ADAMTS12: variants seen among roughly 807,000 people sequenced by gnomAD.
The protein encoded by ADAMTS12 is A disintegrin and metalloproteinase with thrombospondin motifs 12.
Under a neutral mutation model 167.8 loss-of-function variants are expected in ADAMTS12, and 118 were observed. The ratio of observed to expected loss-of-function variants is 0.70; its 90% CI spans 0.61 to 0.82. The LOEUF is 0.82. Among genes scored for constraint, ADAMTS12 ranks in the 40% least tolerant of loss-of-function variants. ADAMTS12 has a pLI of 0.00. For missense variants in ADAMTS12, 1,916 were observed against 1,998.8 expected (o/e 0.96, Z 0.79); for synonymous variants, 704 against 716.9 (o/e 0.98, Z 0.29).
chr5:33,566,690 C>A (rs948945249), intron 19 of ADAMTS12, among the ~76,000 whole-genome samples: 1 of 152,182 alleles, frequency 6.6e-6, no homozygotes, highest in Non-Finnish European at 1.5e-5. Flanking sequence ...AGGCTACCTA[C>A]AGTCAGTGGC....
intron 7 of ADAMTS12, among the ~76,000 whole-genome samples, chr5:33,652,413 C>A (rs1326315557): frequency 6.6e-6 from 1 of 151,984 alleles, no homozygotes; most frequent in Non-Finnish European, 1.5e-5. Flanking sequence ...TGTTTATTGG[C>A]CACTTTTGTG....
chr5:33,804,509 T>A (rs1431706360), intron 2 of ADAMTS12, among the ~76,000 whole-genome samples: 2 of 152,182 alleles, frequency 1.3e-5, no homozygotes, highest in African/African-American at 4.8e-5. Flanking sequence ...GACATGCAGA[T>A]GTGTGAGCAA....
intron 2 of ADAMTS12, among the ~76,000 whole-genome samples, chr5:33,795,901 A>G (rs965989875): frequency 6.6e-6 from 1 of 152,142 alleles, no homozygotes; most frequent in Non-Finnish European, 1.5e-5. Context: ...GGAGAGCCCC[A>G]CTCTGAAGAG....
At chr5:33,712,680 T>G (rs1305798861) in intron 3 of ADAMTS12, among the ~76,000 whole-genome samples, 4 of 152,156 alleles carry the variant, frequency 2.6e-5, no homozygotes, top group Non-Finnish European at 5.9e-5. Context: ...GAAGCTGTGA[T>G]GATCTACATA....
intron 1 of ADAMTS12, 27 bp downstream of exon 1, chr5:33,891,703 A>C: frequency 3.1e-6 from 5 of 1,613,232 alleles, no homozygotes; most frequent in Non-Finnish European, 4.2e-6. Context: ...CCACTGTTTT[A>C]AAAAGAAATA....
chr5:33,606,712 T>C (rs897169211), intron 16 of ADAMTS12, among the ~76,000 whole-genome samples: 2 of 152,224 alleles, frequency 1.3e-5, no homozygotes, highest in African/African-American at 4.8e-5. Flanking sequence ...TCTTATTTTA[T>C]ATAAAGTTGC....
chr5:33,656,923 T>G (rs536735472), intron 7 of ADAMTS12, among the ~76,000 whole-genome samples: 5 of 152,340 alleles, frequency 3.3e-5, no homozygotes, highest in African/African-American at 1.2e-4. Context: ...AGCTTCTCTA[T>G]CTCTGAATTT....
chr5:33,543,184 C>T (rs183486391), intron 22 of ADAMTS12, among the ~76,000 whole-genome samples: 95 of 152,212 alleles, frequency 6.2e-4, no homozygotes, highest in Non-Finnish European at 1.2e-3. Flanking sequence ...CAGGGGATGT[C>T]GCCACCAACC....
intron 16 of ADAMTS12, chr5:33,603,330 T>C (rs892297396): frequency 2.0e-5 from 3 of 152,250 alleles, no homozygotes; most frequent in African/African-American, 7.2e-5. Flanking sequence ...CCTGTGGAGA[T>C]GAATATCTGT....
intron 2 of ADAMTS12, among the ~76,000 whole-genome samples, chr5:33,862,776 T>A (rs1749669870): frequency 6.6e-6 from 1 of 151,842 alleles, no homozygotes; most frequent in Non-Finnish European, 1.5e-5. Context: ...CTGATGAACA[T>A]CAAGGCAAAA....
intron 1 of ADAMTS12, 49 bp downstream of exon 1, chr5:33,891,681 C>T (rs930641520): frequency 6.2e-7 from 1 of 1,608,220 alleles, no homozygotes; most frequent in African/African-American, 1.3e-5. Flanking sequence ...AAAATTCCCG[C>T]AAGTCTTACC....
Position 33,577,100 on chromosome 5 carries a change from C to G in ADAMTS12, c.2926G>C (p.Asp976His), listed in dbSNP as rs767143473. The change falls in exon 19 of 24, where the codon GAT becomes CAT. Residue 976 changes from aspartate (D) to histidine (H), a missense_variant. Transcript: ENST00000504830. ...TTCCTTGTCACATCGCAAGGTTCAT[C>G]ATGGTTCTTGGCACATGTGACACTG... Reference protein sequence around the residue: ...IRSVTCAKNHDEPCDVTRKPN... With the variant: ...IRSVTCAKNHHEPCDVTRKPN... 26 of 1,614,064 alleles carry G rather than the reference C, an allele frequency of 1.6e-5. No individual in the cohort carries two copies. Among genetic ancestry groups the G allele is most frequent in the Non-Finnish European group, 2.1e-5 (25 of 1,180,030 alleles).
chr5:33,817,210 A>C (rs569613948), intron 2 of ADAMTS12, among the ~76,000 whole-genome samples: 2 of 152,338 alleles, frequency 1.3e-5, no homozygotes, highest in Admixed American at 1.3e-4. Context: ...TCCAATCTTG[A>C]AACCTACAGG....
intron 3 of ADAMTS12, among the ~76,000 whole-genome samples, chr5:33,716,939 AG>A (rs2112327851): frequency 6.6e-6 from 1 of 152,260 alleles, no homozygotes; most frequent in Non-Finnish European, 1.5e-5. Context: ...TCCTACTCAG[AG>A]GACAGCAGGA....
chr5:33,749,896 G>A (rs1211645286), intron 3 of ADAMTS12, among the ~76,000 whole-genome samples: 1 of 152,186 alleles, frequency 6.6e-6, no homozygotes, highest in Admixed American at 6.5e-5. Flanking sequence ...AAGGTGGGTA[G>A]ATAAGGAATA....
At chr5:33,747,747 C>A (rs533473541) in intron 3 of ADAMTS12, among the ~76,000 whole-genome samples, 1 of 152,232 alleles carries the variant, frequency 6.6e-6, no homozygotes, top group East Asian at 1.9e-4. Context: ...CCTAGCAACC[C>A]AATATTGAGT....
intron 2 of ADAMTS12, among the ~76,000 whole-genome samples, chr5:33,812,907 G>T (rs929869908): frequency 1.3e-5 from 2 of 152,094 alleles, no homozygotes; most frequent in African/African-American, 4.8e-5. Context: ...TATGTCTAAT[G>T]CATCTTTTCA....
At position 33,581,267 on chromosome 5, in the gene ADAMTS12, G is replaced by A. The variant is rs574863084; in HGVS notation, c.2866-4107C>T. ...TAAACCAACTTCAGCTATGATTATC[G>A]TATGCCCTTTCCTTGTAATTTTGAA... is the stretch of plus-strand genomic sequence containing the variant. On this transcript the variant is annotated intron_variant, in intron 18 of 23. Transcript: ENST00000504830. Among the ~76,000 whole-genome samples the A allele has an allele frequency of 3.9e-5, 6 of 152,210 alleles. No individual in the cohort carries two copies. The East Asian group carries it at 1.2e-3, about 29-fold the overall frequency.
At chr5:33,821,230 TA>T (rs1747856907) in intron 2 of ADAMTS12, among the ~76,000 whole-genome samples, 1 of 152,228 alleles carries the variant, frequency 6.6e-6, no homozygotes, top group African/African-American at 2.4e-5. Context: ...ATAATCATTA[TA>T]ATGTAAAATT....
Sources: gnomAD v4.1 joint callset for allele counts (sites outside exome capture counted in the v4.1 genomes callset) on GRCh38, gnomAD v4.1.1 for gene constraint, MANE v1.5 for transcripts, NCBI Gene and HGNC (gene_info 2026-07-23, HGNC 2026-07-21) for gene names.